Variants in SPAG17 observed in about 807,000 individuals in gnomAD.
The protein encoded by SPAG17 is sperm associated antigen 17.
A neutral mutation model predicts 273.6 loss-of-function variants in SPAG17; 169 were observed. That is an observed-to-expected ratio of 0.62 (90% CI 0.55 to 0.70). The LOEUF is 0.70. Ranked by LOEUF, SPAG17 falls within the 30% of genes least tolerant of loss-of-function variation. SPAG17 has a pLI of 0.00. For missense variants in SPAG17, 2,557 were observed against 2,627.8 expected, an observed-to-expected ratio of 0.97 and a Z score of 0.59; for synonymous variants, 825 against 873.2, an observed-to-expected ratio of 0.94 and a Z score of 0.97.
intron 1 of SPAG17, among the ~76,000 whole-genome samples, chr1:118,177,521 C>G (rs955050417): frequency 2.6e-5 from 4 of 151,646 alleles, no homozygotes; most frequent in African/African-American, 9.7e-5. Context: ...TCTCAAAGAA[C>G]TAGAAAAGCA....
chr1:118,156,931 G>A (rs1483332634), intron 1 of SPAG17, among the ~76,000 whole-genome samples: 1 of 152,082 alleles, frequency 6.6e-6, no homozygotes, highest in Non-Finnish European at 1.5e-5. Flanking sequence ...TCCATAATCT[G>A]GGAGAGGGCT....
intron 15 of SPAG17, 119 bp from the exon 16 acceptor site, chr1:118,074,719 C>A: frequency 1.1e-6 from 1 of 873,960 alleles, no homozygotes. Flanking sequence ...AAGGCAATGC[C>A]TGAAAGGCAT....
chr1:118,099,569 T>A lies in SPAG17; in HGVS notation c.829+37A>T, dbSNP rs370044428. 1.9e-6 allele frequency: 3 copies of A among 1,574,512 alleles called. No homozygotes were observed. The South Asian group carries it at 3.3e-5, about 17-fold the overall frequency. On this transcript the variant is annotated intron_variant, in intron 6 of 48. Transcript: ENST00000336338. ...TGTACTTTAAGGACAGTGGGTAATA[T>A]TGAAGGACTCAGTAAGTTGTGTAGC...
chr1:118,008,340 T>C, intron 30 of SPAG17, 142 bp from the exon 31 acceptor site: 1 of 868,220 alleles, frequency 1.2e-6, no homozygotes, highest in Non-Finnish European at 1.8e-6. Context: ...GAGCAAGTAC[T>C]GAGAACTCCA....
At chr1:118,062,366 C>CAAAA (rs56029752) in intron 18 of SPAG17, among the ~76,000 whole-genome samples, 4 of 46,404 alleles carry the variant, frequency 8.6e-5, no homozygotes, top group African/African-American at 2.2e-4. Context: ...GACTCCATCT[C>CAAAA]AAAAAAAAAA....
chr1:118,049,043 C>T lies in SPAG17; in HGVS notation c.2814+4959G>A, dbSNP rs1199505107. On this transcript the variant is annotated intron_variant, in intron 20 of 48. Transcript: ENST00000336338. ...GACTGAGTCATGAAGAAATACAAAA[C>T]TGAACATACAAATAACAACTGAGAG... Among the ~76,000 whole-genome samples, 8 of 151,976 alleles carry T rather than the reference C, an allele frequency of 5.3e-5. No homozygotes were observed. In the East Asian group the frequency reaches 1.5e-3, roughly 29 times the overall value.
chr1:118,093,170 TGGCTTCTAATACA>T lies in SPAG17; in HGVS notation c.1146_1158del (p.Val383CysfsTer30). ...CCCATGCCTACCTCTGAAGTTGGCA[TGGCTTCTAATACA>T]GGTTTCTCATTAACCACTTGTGGAA... On this transcript the variant is annotated frameshift_variant, in exon 8 of 49. Coordinates refer to ENST00000336338, the MANE Select transcript of SPAG17 (RefSeq NM_206996.4). LOFTEE classifies it high-confidence loss of function. 1 of 1,612,950 alleles carries T rather than the reference TGGCTTCTAATACA, an allele frequency of 6.2e-7. No homozygotes were observed. Among genetic ancestry groups the T allele is most frequent in the Non-Finnish European group, 8.5e-7 (1 of 1,179,470 alleles).
rs1234942105 is a variant in SPAG17 at position 118,074,592 on chromosome 1, TG to T, written c.2217del (p.Thr740GlnfsTer23). On this transcript the variant is annotated frameshift_variant, in exon 16 of 49. Coordinates refer to ENST00000336338, the MANE Select transcript of SPAG17 (RefSeq NM_206996.4). LOFTEE classifies it high-confidence loss of function. ...GCATCATCTTTGATCTCATTGTTTG[TG>T]GTCTGCTCTGCAAATCAAAGACACC... ...AQPQHESLEQ[T>X]TNNEIKDDAV... The T allele has an allele frequency of 6.2e-7, 1 of 1,613,652 alleles. No individual in the cohort carries two copies. The highest frequency in any genetic ancestry group is 2.2e-5 in the East Asian group (1 of 44,884).
At chr1:117,987,995 G>C (rs1656626015) in intron 39 of SPAG17, 110 bp downstream of exon 39, 2 of 1,431,318 alleles carry the variant, frequency 1.4e-6, no homozygotes, top group Non-Finnish European at 1.9e-6. Flanking sequence ...GGAGATGAAG[G>C]GCTGTGAATT....
chr1:118,160,469 C>G (rs1361203948), intron 1 of SPAG17, among the ~76,000 whole-genome samples: 1 of 152,214 alleles, frequency 6.6e-6, no homozygotes, highest in Non-Finnish European at 1.5e-5. Flanking sequence ...GACCAATACT[C>G]ATTCTCATGA....
intron 10 of SPAG17, among the ~76,000 whole-genome samples, chr1:118,087,871 A>C (rs1004697405): frequency 1.3e-5 from 2 of 152,156 alleles, no homozygotes; most frequent in Non-Finnish European, 2.9e-5. Context: ...CCTGTGCACT[A>C]TAGGATGTTT....
chr1:118,053,011 C>A lies in SPAG17; in HGVS notation c.2814+991G>T, dbSNP rs148809805. Among the ~76,000 whole-genome samples the A allele has an allele frequency of 5.9e-5, 9 of 151,874 alleles. No individual in the cohort carries two copies. In the East Asian group the frequency reaches 1.5e-3, roughly 26 times the overall value. ...CTAAGACCCTCCTCCCACCAGACAC[C>A]CTTAGGAGATTATGATATATGTAGT... On this transcript the variant is annotated intron_variant, in intron 20 of 48. Transcript: ENST00000336338.
intron 13 of SPAG17, among the ~76,000 whole-genome samples, chr1:118,082,138 A>G (rs1654630089): frequency 6.6e-6 from 1 of 152,166 alleles, no homozygotes; most frequent in East Asian, 1.9e-4. Flanking sequence ...CCATAATTGC[A>G]CTTCAAAGTT....
At chr1:117,994,347 C>A in intron 35 of SPAG17, 59 bp downstream of exon 35, 1 of 1,525,826 alleles carries the variant, frequency 6.6e-7, no homozygotes, top group South Asian at 1.3e-5. Context: ...GACTCTGGTC[C>A]ATTGCCCTTG....
chr1:117,959,089 A>C, intron 48 of SPAG17: 1 of 1,372,990 alleles, frequency 7.3e-7, no homozygotes, highest in Non-Finnish European at 1.0e-6. Flanking sequence ...CTTTGTCTTT[A>C]GCAATACCCA....
intron 43 of SPAG17, among the ~76,000 whole-genome samples, chr1:117,975,498 G>A (rs1655033668): frequency 1.3e-5 from 2 of 152,116 alleles, no homozygotes; most frequent in Non-Finnish European, 2.9e-5. Context: ...GAGGATCAGA[G>A]GATTAAATAA....
intron 28 of SPAG17, among the ~76,000 whole-genome samples, chr1:118,022,834 A>G (rs1177026473): frequency 6.6e-6 from 1 of 151,954 alleles, no homozygotes; most frequent in Non-Finnish European, 1.5e-5. Context: ...GAGTTCTGGA[A>G]CTCCTTTTGC....
intron 48 of SPAG17, chr1:117,955,174 A>C: frequency 3.1e-6 from 2 of 638,172 alleles, no homozygotes; most frequent in South Asian, 2.4e-5. Flanking sequence ...CTGACTCTAA[A>C]CTCATGCAGA....
intron 20 of SPAG17, among the ~76,000 whole-genome samples, chr1:118,042,301 C>T (rs927924848): frequency 6.6e-6 from 1 of 152,118 alleles, no homozygotes; most frequent in Non-Finnish European, 1.5e-5. Context: ...CAATTTCCTT[C>T]GTTCAGGTCT....
Sources: allele counts gnomAD v4.1 joint callset (sites outside exome capture counted in the v4.1 genomes callset), GRCh38; gene constraint gnomAD v4.1.1; transcripts MANE v1.5; gene names NCBI Gene and HGNC (gene_info 2026-07-23, HGNC 2026-07-21).